Variants in ZNF423 observed in about 807,000 individuals in gnomAD.
ZNF423 encodes zinc finger protein 423.
ZNF423 carries 12 observed loss-of-function variants against 95.8 expected under a neutral mutation model. The ratio of observed to expected loss-of-function variants is 0.13; its 90% CI spans 0.08 to 0.20. The LOEUF is 0.20. Ranked by LOEUF, ZNF423 falls within the 10% of genes least tolerant of loss-of-function variation. The pLI, the probability that ZNF423 is intolerant of heterozygous loss-of-function variation, is 1.00. For synonymous variants in ZNF423, 749 were observed against 711.9 expected, an observed-to-expected ratio of 1.05 and a Z score of -0.83; for missense variants, 1,316 against 1,737.1, an observed-to-expected ratio of 0.76 and a Z score of 4.31.
intron 1 of ZNF423, among the ~76,000 whole-genome samples, chr16:49,819,317 A>G (rs552970758): frequency 2.0e-4 from 30 of 151,488 alleles, no homozygotes; most frequent in African/African-American, 6.1e-4. Context: ...CTCAAAACCC[A>G]TATGTGGCTA....
At chr16:49,830,321 T>C (rs939554166) in intron 1 of ZNF423, among the ~76,000 whole-genome samples, 4 of 151,822 alleles carry the variant, frequency 2.6e-5, no homozygotes, top group Non-Finnish European at 4.4e-5. Context: ...GAGGGAGAGC[T>C]CCCATGACAT....
chr16:49,735,380 G>A (rs546194442), intron 2 of ZNF423, among the ~76,000 whole-genome samples: 3 of 152,234 alleles, frequency 2.0e-5, no homozygotes, highest in South Asian at 2.1e-4. Flanking sequence ...TCAGCATCAC[G>A]TGCACTCATG....
At position 49,638,577 on chromosome 16, in the gene ZNF423, T is replaced by C; in HGVS notation, c.599A>G (p.Lys200Arg). Residue 200 changes from lysine to arginine, a missense_variant, in exon 4 of 8, where the codon AAG becomes AGG. By Grantham distance (26) the Lys-to-Arg change is conservative (BLOSUM62 2). Around this residue, in one of 6 missense-constraint regions of ZNF423, gnomAD observed 58 missense variants for 116.9 expected, o/e 0.50. Coordinates refer to ENST00000563137, the MANE Select transcript of ZNF423 (RefSeq NM_001379286.1). The surrounding 1 kb of genome is among the most constrained non-coding windows in gnomAD (Gnocchi z 5.6). ...CTCGCACTCGTGGCAGTGATACTTC[T>C]TGTCGCCCGTATGCAGCTTGATGTG... is the stretch of plus-strand genomic sequence containing the variant. ...DRHIKLHTGDKKYHCHECEAA... is the reference protein window; with the variant it reads ...DRHIKLHTGDRKYHCHECEAA... The C allele has an allele frequency of 6.2e-7, 1 of 1,613,856 alleles. No individual in the cohort carries two copies. Among genetic ancestry groups the C allele is most frequent in the Non-Finnish European group, 8.5e-7 (1 of 1,180,026 alleles).
intron 2 of ZNF423, among the ~76,000 whole-genome samples, chr16:49,781,954 C>A (rs952567513): frequency 6.6e-6 from 1 of 152,230 alleles, no homozygotes; most frequent in Non-Finnish European, 1.5e-5. Flanking sequence ...CAAACTGGCC[C>A]CATGCCCAAC....
At chr16:49,679,740 C>A (rs79489327) in intron 3 of ZNF423, among the ~76,000 whole-genome samples, 1 of 152,210 alleles carries the variant, frequency 6.6e-6, no homozygotes, top group East Asian at 1.9e-4. Context: ...CAGAAAGGGG[C>A]GGGTCCCCAG....
intron 5 of ZNF423, among the ~76,000 whole-genome samples, chr16:49,569,306 C>G (rs373906694): frequency 7.2e-5 from 11 of 152,306 alleles, no homozygotes; most frequent in Admixed American, 6.5e-4. Flanking sequence ...TCAGAATGCC[C>G]CATGGGGGTC....
At chr16:49,501,486 A>G (rs1416460425) in intron 7 of ZNF423, among the ~76,000 whole-genome samples, 1 of 152,230 alleles carries the variant, frequency 6.6e-6, no homozygotes, top group African/African-American at 2.4e-5. Context: ...CAAAGAACTA[A>G]GAATTGAACT....
intron 5 of ZNF423, among the ~76,000 whole-genome samples, chr16:49,575,125 A>G (rs559725393): frequency 6.6e-6 from 1 of 152,276 alleles, no homozygotes; most frequent in African/African-American, 2.4e-5. Flanking sequence ...CTTCGTAATG[A>G]GAAGAAAGTG....
intron 7 of ZNF423, among the ~76,000 whole-genome samples, chr16:49,504,407 C>T (rs1447289529): frequency 1.3e-5 from 2 of 152,196 alleles, no homozygotes; most frequent in Non-Finnish European, 2.9e-5. Context: ...CATGGCGAAA[C>T]CCCATCTCTA....
intron 3 of ZNF423, among the ~76,000 whole-genome samples, chr16:49,674,575 C>T (rs535637760): frequency 2.4e-3 from 373 of 152,286 alleles, no homozygotes; most frequent in Non-Finnish European, 4.5e-3. Flanking sequence ...CACCACCAGG[C>T]GGAACAGAGA....
At chr16:49,805,983 C>T (rs962004885) in intron 1 of ZNF423, among the ~76,000 whole-genome samples, 5 of 152,254 alleles carry the variant, frequency 3.3e-5, no homozygotes, top group South Asian at 2.1e-4. Context: ...GGAGGGCCCC[C>T]GGCCTCCCGG....
At chr16:49,641,576 A>G (rs1972977974) in intron 3 of ZNF423, among the ~76,000 whole-genome samples, 1 of 152,186 alleles carries the variant, frequency 6.6e-6, no homozygotes, top group Admixed American at 6.6e-5. Flanking sequence ...TATTTCTGCC[A>G]GGGTTCATTT....
chr16:49,552,387 G>A (rs1969672785), intron 5 of ZNF423, among the ~76,000 whole-genome samples: 1 of 152,172 alleles, frequency 6.6e-6, no homozygotes, highest in South Asian at 2.1e-4. Flanking sequence ...CCTACAAATA[G>A]GGGGTGGGCC....
chr16:49,499,497 G>A (rs1196763193), intron 7 of ZNF423, among the ~76,000 whole-genome samples: 1 of 152,238 alleles, frequency 6.6e-6, no homozygotes, highest in Non-Finnish European at 1.5e-5. Context: ...AGCAGATGCA[G>A]CGACCTGAGT....
chr16:49,713,987 A>G lies in ZNF423; in HGVS notation c.301+16784T>C, dbSNP rs569607305. Reference sequence around the variant, plus strand: ...AACTCCATCACGCCTCCCACAGGGCAGACAAGTCAGCCCGGCAGTGTGGTA... The same window carrying G: ...AACTCCATCACGCCTCCCACAGGGCGGACAAGTCAGCCCGGCAGTGTGGTA... On this transcript the variant is annotated intron_variant, in intron 3 of 7. Coordinates refer to ENST00000563137, the MANE Select transcript of ZNF423 (RefSeq NM_001379286.1). Among the ~76,000 whole-genome samples the G allele has an allele frequency of 3.3e-5, 5 of 152,310 alleles. No individual in the cohort carries two copies. The East Asian group carries it at 7.7e-4, about 24-fold the overall frequency.
At chr16:49,542,128 C>G (rs1448694170) in intron 5 of ZNF423, among the ~76,000 whole-genome samples, 1 of 152,216 alleles carries the variant, frequency 6.6e-6, no homozygotes, top group Non-Finnish European at 1.5e-5. Flanking sequence ...CCCTGCCTTG[C>G]AGATCTTCAG....
intron 3 of ZNF423, among the ~76,000 whole-genome samples, chr16:49,658,480 G>A (rs941534441): frequency 2.0e-5 from 3 of 152,236 alleles, no homozygotes; most frequent in Admixed American, 6.5e-5. Flanking sequence ...CAATTTTCCC[G>A]ATTTTCATGT....
At chr16:49,663,401 C>A (rs558239387) in intron 3 of ZNF423, among the ~76,000 whole-genome samples, 1 of 152,176 alleles carries the variant, frequency 6.6e-6, no homozygotes, top group Non-Finnish European at 1.5e-5. Context: ...CAGCCCACCC[C>A]CCTCGAGGCC....
At chr16:49,645,198 T>C (rs1214530086) in intron 3 of ZNF423, among the ~76,000 whole-genome samples, 2 of 152,156 alleles carry the variant, frequency 1.3e-5, no homozygotes, top group African/African-American at 4.8e-5. Context: ...AAGCAGAGCT[T>C]CTCTGCTGCC....
Sources: gnomAD v4.1 joint callset for allele counts (sites outside exome capture counted in the v4.1 genomes callset) on GRCh38, gnomAD v4.1.1 for gene constraint, gnomAD v4.1.1 regional missense constraint, Gnocchi (gnomAD v3.1) non-coding constraint, MANE v1.5 for transcripts, NCBI Gene and HGNC (gene_info 2026-07-23, HGNC 2026-07-21) for gene names.